MARCHF1: variants seen among roughly 807,000 people sequenced by gnomAD.
MARCHF1 encodes the protein membrane associated ring-CH-type finger 1, also known as E3 ubiquitin-protein ligase MARCHF1.
MARCHF1 carries 40 observed loss-of-function variants against 54.2 expected under a neutral mutation model. The ratio of observed to expected loss-of-function variants is 0.74; its 90% confidence interval spans 0.57 to 0.96. The LOEUF is 0.96. Among genes scored for constraint, MARCHF1 ranks in the 40% least tolerant of loss-of-function variants. MARCHF1 has a pLI of 0.00. For synonymous variants in MARCHF1, 236 were observed against 236.3 expected (o/e 1.00, Z 0.01); for missense variants, 586 against 656.5 (o/e 0.89, Z 1.17).
intron 2 of MARCHF1, among the ~76,000 whole-genome samples, chr4:164,084,701 A>G (rs1212149743): frequency 7.0e-6 from 1 of 142,406 alleles, no homozygotes; most frequent in African/African-American, 2.5e-5. Context: ...CCAAAATTCA[A>G]CTAAGAAACA....
intron 2 of MARCHF1, among the ~76,000 whole-genome samples, chr4:164,060,418 A>G (rs1477263172): frequency 6.6e-6 from 1 of 152,148 alleles, no homozygotes; most frequent in Non-Finnish European, 1.5e-5. Context: ...AACTACATTA[A>G]TAGAAAATAG....
chr4:163,756,582 A>G (rs1178673556), intron 4 of MARCHF1, among the ~76,000 whole-genome samples: 2 of 140,492 alleles, frequency 1.4e-5, no homozygotes, highest in Non-Finnish European at 3.1e-5. Context: ...CAGTGAGCCG[A>G]GATAGCGCCA....
chr4:163,914,734 A>G (rs1320900638), intron 3 of MARCHF1, among the ~76,000 whole-genome samples: 2 of 152,176 alleles, frequency 1.3e-5, no homozygotes, highest in Non-Finnish European at 2.9e-5. Flanking sequence ...TTGAGAAATG[A>G]TAAGTGTCTA....
At chr4:163,819,986 A>G (rs1748645888) in intron 4 of MARCHF1, among the ~76,000 whole-genome samples, 1 of 152,108 alleles carries the variant, frequency 6.6e-6, no homozygotes, top group Non-Finnish European at 1.5e-5. Flanking sequence ...CAATCAACAT[A>G]TGAAAACAAA....
At chr4:164,304,000 T>A (rs1391869398) in intron 1 of MARCHF1, among the ~76,000 whole-genome samples, 1 of 152,226 alleles carries the variant, frequency 6.6e-6, no homozygotes, top group Admixed American at 6.5e-5. Flanking sequence ...TGATACTCTA[T>A]GCAATACCTT....
At chr4:163,535,420 T>TTTCA (rs1370126652) in intron 9 of MARCHF1, among the ~76,000 whole-genome samples, 1 of 152,148 alleles carries the variant, frequency 6.6e-6, no homozygotes, top group Non-Finnish European at 1.5e-5. Flanking sequence ...GGTGAGCTTA[T>TTTCA]TACCCAATGA....
At chr4:164,200,142 G>A (rs1428774453) in intron 1 of MARCHF1, among the ~76,000 whole-genome samples, 1 of 152,156 alleles carries the variant, frequency 6.6e-6, no homozygotes, top group Non-Finnish European at 1.5e-5. Context: ...ATGTATGTTT[G>A]TATTACTGCA....
intron 2 of MARCHF1, among the ~76,000 whole-genome samples, chr4:163,997,266 G>T (rs1753094861): frequency 1.3e-5 from 2 of 152,012 alleles, no homozygotes; most frequent in Admixed American, 6.6e-5. Context: ...TGAAGGAGCT[G>T]TTTGAGGCTA....
chr4:164,286,129 A>G (rs190588966), intron 1 of MARCHF1, among the ~76,000 whole-genome samples: 3 of 152,300 alleles, frequency 2.0e-5, no homozygotes, highest in East Asian at 3.9e-4. Context: ...AGTACTTAGC[A>G]TAGTAGTCTA....
intron 5 of MARCHF1, among the ~76,000 whole-genome samples, chr4:163,649,953 G>A (rs1742906510): frequency 6.6e-6 from 1 of 151,968 alleles, no homozygotes; most frequent in Admixed American, 6.6e-5. Context: ...TTCTGACTCA[G>A]CAAGTCAGAA....
intron 1 of MARCHF1, among the ~76,000 whole-genome samples, chr4:164,126,275 G>A (rs1255663173): frequency 6.6e-6 from 1 of 152,136 alleles, no homozygotes; most frequent in Non-Finnish European, 1.5e-5. Flanking sequence ...TAGACCCAAG[G>A]GAGTTATGTC....
intron 4 of MARCHF1, among the ~76,000 whole-genome samples, chr4:163,732,317 G>C (rs1412905603): frequency 1.3e-5 from 2 of 152,016 alleles, no homozygotes. Flanking sequence ...AAAATAATCA[G>C]TGAACTTGAA....
chr4:164,170,440 A>G (rs565765567), intron 1 of MARCHF1, among the ~76,000 whole-genome samples: 5 of 152,206 alleles, frequency 3.3e-5, no homozygotes, highest in East Asian at 1.9e-4. Context: ...AATATTATCA[A>G]TAAGTGTTTA....
chr4:164,171,561 G>A (rs565103571), intron 1 of MARCHF1, among the ~76,000 whole-genome samples: 1 of 151,040 alleles, frequency 6.6e-6, no homozygotes, highest in East Asian at 1.9e-4. Flanking sequence ...CAAAGTTATT[G>A]CACCATTAAA....
At chr4:164,114,720 A>G (rs982852205) in intron 1 of MARCHF1, among the ~76,000 whole-genome samples, 46 of 151,948 alleles carry the variant, frequency 3.0e-4, no homozygotes, top group African/African-American at 1.1e-3. Flanking sequence ...GTATTGAGAC[A>G]AGAAAAAAAT....
chr4:163,558,242 T>G (rs956300308), intron 8 of MARCHF1, among the ~76,000 whole-genome samples: 18 of 152,206 alleles, frequency 1.2e-4, no homozygotes. Context: ...CGGTTCAATG[T>G]GCAGGGAGAA....
At chr4:163,920,279 T>C (rs1250623442) in intron 3 of MARCHF1, among the ~76,000 whole-genome samples, 2 of 152,206 alleles carry the variant, frequency 1.3e-5, no homozygotes, top group Non-Finnish European at 2.9e-5. Flanking sequence ...AGACTTAATA[T>C]TGTTAATGTG....
intron 5 of MARCHF1, among the ~76,000 whole-genome samples, chr4:163,623,455 A>G (rs1741756171): frequency 6.6e-6 from 1 of 152,194 alleles, no homozygotes; most frequent in Non-Finnish European, 1.5e-5. Flanking sequence ...AATGTCCTAC[A>G]TTGTATGAGT....
intron 1 of MARCHF1, among the ~76,000 whole-genome samples, chr4:164,353,866 CA>C: frequency 7.1e-6 from 1 of 140,576 alleles, no homozygotes; most frequent in Non-Finnish European, 1.5e-5. Flanking sequence ...AGACTGCTAG[CA>C]AGACTAATAA....
Sources: allele counts gnomAD v4.1 joint callset (sites outside exome capture counted in the v4.1 genomes callset), GRCh38; gene constraint gnomAD v4.1.1; transcripts MANE v1.5; gene names NCBI Gene and HGNC (gene_info 2026-07-23, HGNC 2026-07-21).